The following SORCS2 variants were observed in gnomAD, a reference collection of about 807,000 sequenced individuals.
SORCS2 encodes the protein VPS10 domain-containing receptor SorCS2.
SORCS2 carries 100 observed loss-of-function variants against 141.6 expected under a neutral mutation model. The observed-to-expected ratio is 0.71, with a 90% CI of 0.60 to 0.83. SORCS2 has a LOEUF of 0.83. Among genes scored for constraint, SORCS2 ranks in the 40% least tolerant of loss-of-function variants. The probability of loss-of-function intolerance (pLI) is 0.00; values close to 1 mark genes in which losing one functional copy is unlikely to be tolerated. For missense variants in SORCS2, 1,646 were observed against 1,560.2 expected (o/e 1.05, Z -0.93); for synonymous variants, 789 against 676.9 (o/e 1.17, Z -2.57).
intron 2 of SORCS2, among the ~76,000 whole-genome samples, chr4:7,497,296 C>T (rs1266277550): frequency 6.6e-6 from 1 of 152,250 alleles, no homozygotes; most frequent in Non-Finnish European, 1.5e-5. Context: ...CCTCATTCAG[C>T]CTTCCCCGCA....
intron 14 of SORCS2, among the ~76,000 whole-genome samples, chr4:7,709,509 C>T (rs1475310954): frequency 3.3e-5 from 5 of 152,232 alleles, no homozygotes; most frequent in Non-Finnish European, 7.3e-5. Flanking sequence ...AGAACAGTTC[C>T]TCCAGACCCC....
intron 1 of SORCS2, among the ~76,000 whole-genome samples, chr4:7,231,998 G>A (rs59315960): frequency 0.13 from 20,054 of 152,230 alleles, 1,680 homozygotes; most frequent in East Asian, 0.21. Context: ...GGCCCATCCT[G>A]GAGCTGTGTT....
At chr4:7,310,950 A>G (rs1718144077) in intron 1 of SORCS2, among the ~76,000 whole-genome samples, 3 of 152,228 alleles carry the variant, frequency 2.0e-5, no homozygotes, top group African/African-American at 7.2e-5. Flanking sequence ...GAGATATAAT[A>G]AATCACGCAG....
intron 1 of SORCS2, among the ~76,000 whole-genome samples, chr4:7,332,924 G>A (rs1256966204): frequency 6.6e-6 from 1 of 152,132 alleles, no homozygotes; most frequent in African/African-American, 2.4e-5. Context: ...ACCAGTCTCT[G>A]TTTCCACATC....
At chr4:7,623,276 G>T (rs1719321266) in intron 3 of SORCS2, among the ~76,000 whole-genome samples, 1 of 151,998 alleles carries the variant, frequency 6.6e-6, no homozygotes, top group Non-Finnish European at 1.5e-5. Flanking sequence ...GGTGATTACT[G>T]GTGCCTGGAG....
At chr4:7,712,877 C>G in intron 15 of SORCS2, 24 bp downstream of exon 15, 1 of 1,612,382 alleles carries the variant, frequency 6.2e-7, no homozygotes, top group Non-Finnish European at 8.5e-7. Flanking sequence ...AGGCTGGGAT[C>G]GGGCAGGTGG....
At chr4:7,289,071 C>A (rs2108873856) in intron 1 of SORCS2, among the ~76,000 whole-genome samples, 1 of 152,286 alleles carries the variant, frequency 6.6e-6, no homozygotes, top group African/African-American at 2.4e-5. Context: ...TAGATTTTGG[C>A]AGAGCTAGCA....
chr4:7,305,156 C>G (rs947895345), intron 1 of SORCS2, among the ~76,000 whole-genome samples: 2 of 152,066 alleles, frequency 1.3e-5, no homozygotes, highest in Non-Finnish European at 2.9e-5. Context: ...CTCAGCCTCC[C>G]GAGTAGCTGG....
At position 7,457,268 on chromosome 4, in the gene SORCS2, A is replaced by G. The variant is rs193051118; in HGVS notation, c.548+60913A>G. Reference sequence around the variant, plus strand: ...CTGTCATCTCCATGTAGATGGCCTCAGTGCTGGGTGAGGTGACTTTATCCC... The same window carrying G: ...CTGTCATCTCCATGTAGATGGCCTCGGTGCTGGGTGAGGTGACTTTATCCC... On this transcript the variant is annotated intron_variant, in intron 2 of 26. Transcript: ENST00000507866. 1.8e-3 allele frequency among the ~76,000 whole-genome samples: 279 copies of G among 152,296 alleles called. 1 individual carries two copies. The highest frequency in any genetic ancestry group is 3.2e-3 in the Non-Finnish European group (221 of 68,010).
At chr4:7,459,619 C>T (rs971482229) in intron 2 of SORCS2, among the ~76,000 whole-genome samples, 2 of 152,144 alleles carry the variant, frequency 1.3e-5, no homozygotes, top group South Asian at 2.1e-4. Flanking sequence ...CTGAATTCCC[C>T]GGGCATCTGT....
At chr4:7,616,637 A>C (rs1201232363) in intron 3 of SORCS2, among the ~76,000 whole-genome samples, 1 of 152,222 alleles carries the variant, frequency 6.6e-6, no homozygotes, top group Non-Finnish European at 1.5e-5. Context: ...AAGTGAGTGC[A>C]ATAAAGTGGC....
At chr4:7,319,910 C>T (rs867398852) in intron 1 of SORCS2, among the ~76,000 whole-genome samples, 1 of 152,252 alleles carries the variant, frequency 6.6e-6, no homozygotes, top group Non-Finnish European at 1.5e-5. Context: ...TGATTCCCCC[C>T]ACCCTGCCTC....
At chr4:7,255,115 T>C (rs7436907) in intron 1 of SORCS2, among the ~76,000 whole-genome samples, 133,818 of 151,956 alleles carry the variant, frequency 0.88, 59,087 homozygotes, top group African/African-American at 0.93. Flanking sequence ...CTCAAGCCTT[T>C]TCAGGCTTCC....
At position 7,192,977 on chromosome 4, in the gene SORCS2, G is replaced by T. The variant is rs1033311868; in HGVS notation, c.331G>T (p.Ala111Ser). 2 of 1,393,454 alleles carry T rather than the reference G, an allele frequency of 1.4e-6. No individual in the cohort carries two copies. The highest frequency in any genetic ancestry group is 7.0e-5 in the Admixed American group (2 of 28,480). 86.3% of individuals were successfully genotyped at this position (1,393,454 alleles called of 1,614,324 possible). Residue 111 changes from alanine (A) to serine (S), a missense_variant, in exon 1 of 27, where the codon GCC (alanine) becomes TCC (serine). Physicochemically the swap from Ala to Ser is moderately conservative, Grantham distance 99. Transcript: ENST00000507866. The surrounding 1 kb of genome is among the most constrained non-coding windows in gnomAD (Gnocchi z 4.0). ...TGGTCCCGGCGAGGACGGCGCCCCC[G>T]CCGCGGGCTACCGGCGCTGGGAGCG... ...APGPGEDGAPAAGYRRWERAA... is the reference protein window; with the variant it reads ...APGPGEDGAPSAGYRRWERAA...
intron 2 of SORCS2, among the ~76,000 whole-genome samples, chr4:7,418,718 G>C (rs1056844305): frequency 7.9e-6 from 1 of 126,144 alleles, no homozygotes; most frequent in Non-Finnish European, 1.7e-5. Flanking sequence ...CCCCCCACCA[G>C]ATTTGTAGAT....
intron 3 of SORCS2, among the ~76,000 whole-genome samples, chr4:7,553,588 C>T (rs1351653686): frequency 6.6e-6 from 1 of 152,216 alleles, no homozygotes; most frequent in African/African-American, 2.4e-5. Context: ...GAAAACATCT[C>T]TTGCCAACAG....
At chr4:7,453,618 G>T (rs1248040691) in intron 2 of SORCS2, among the ~76,000 whole-genome samples, 8 of 133,106 alleles carry the variant, frequency 6.0e-5, no homozygotes, top group East Asian at 2.4e-4. Flanking sequence ...GTGTGTTGGG[G>T]TCAGGTGCTG....
intron 11 of SORCS2, 71 bp downstream of exon 11, chr4:7,689,659 A>G (rs1358445901): frequency 1.4e-6 from 2 of 1,403,118 alleles, no homozygotes; most frequent in East Asian, 2.5e-5. Context: ...TCTTAAGGGT[A>G]AAAAGGGATG....
intron 2 of SORCS2, among the ~76,000 whole-genome samples, chr4:7,523,884 GC>G (rs1246100859): frequency 6.6e-6 from 1 of 152,156 alleles, no homozygotes; most frequent in Non-Finnish European, 1.5e-5. Context: ...CCAGCAAGAG[GC>G]CCCCTCCCTC....
Sources: gnomAD v4.1 joint callset for allele counts (sites outside exome capture counted in the v4.1 genomes callset) on GRCh38, gnomAD v4.1.1 for gene constraint, Gnocchi (gnomAD v3.1) non-coding constraint, MANE v1.5 for transcripts, NCBI Gene and HGNC (gene_info 2026-07-23, HGNC 2026-07-21) for gene names.